Variants in KCNQ5 observed in about 807,000 individuals in gnomAD.
KCNQ5 encodes potassium voltage-gated channel subfamily KQT member 5.
In KCNQ5, 30 loss-of-function variants were observed where a neutral mutation model predicts 98.2. That is an observed-to-expected ratio of 0.31 (90% CI 0.23 to 0.41). The LOEUF (loss-of-function observed/expected upper bound fraction) is 0.41, where lower values mean the gene tolerates loss of function less well. KCNQ5 is among the 10% of genes least tolerant of loss of function. The pLI, the probability that KCNQ5 is intolerant of heterozygous loss-of-function variation, is 1.00. For synonymous variants in KCNQ5, 458 were observed against 449.4 expected, an observed-to-expected ratio of 1.02 and a Z score of -0.24; for missense variants, 835 against 1,182.5, an observed-to-expected ratio of 0.71 and a Z score of 4.31.
At chr6:72,756,359 A>G (rs1373042934) in intron 1 of KCNQ5, among the ~76,000 whole-genome samples, 1 of 152,132 alleles carries the variant, frequency 6.6e-6, no homozygotes, top group Non-Finnish European at 1.5e-5. Flanking sequence ...TACAACATTT[A>G]CCAAAGTGGA....
intron 6 of KCNQ5, among the ~76,000 whole-genome samples, chr6:73,107,654 G>A (rs1427249993): frequency 6.6e-6 from 1 of 152,182 alleles, no homozygotes; most frequent in African/African-American, 2.4e-5. Context: ...TCACAGGGAG[G>A]TTAAATATGT....
chr6:72,764,776 T>G (rs908763667), intron 1 of KCNQ5, among the ~76,000 whole-genome samples: 1 of 151,964 alleles, frequency 6.6e-6, no homozygotes, highest in Admixed American at 6.6e-5. Flanking sequence ...CCACTACCCT[T>G]GCAAGCCTCT....
intron 1 of KCNQ5, among the ~76,000 whole-genome samples, chr6:72,671,131 C>A (rs560105921): frequency 1.3e-5 from 2 of 152,286 alleles, no homozygotes; most frequent in South Asian, 4.1e-4. Flanking sequence ...GTTTAGTATT[C>A]ACTAAGAAGA....
chr6:72,686,584 G>A (rs537797752), intron 1 of KCNQ5, among the ~76,000 whole-genome samples: 1 of 151,966 alleles, frequency 6.6e-6, no homozygotes, highest in East Asian at 1.9e-4. Flanking sequence ...AGTTTGTCTT[G>A]TGTCTTGACT....
intron 1 of KCNQ5, among the ~76,000 whole-genome samples, chr6:72,955,173 T>G (rs1326954730): frequency 6.6e-6 from 1 of 152,206 alleles, no homozygotes; most frequent in Middle Eastern, 3.2e-3. Flanking sequence ...ATCCCTTTAT[T>G]TTAGCAGTTA....
intron 6 of KCNQ5, among the ~76,000 whole-genome samples, chr6:73,108,592 C>T (rs574583970): frequency 5.1e-4 from 78 of 152,154 alleles, no homozygotes; most frequent in African/African-American, 1.7e-3. Context: ...TTTGGGAGGC[C>T]GAGGCGGTCG....
intron 1 of KCNQ5, among the ~76,000 whole-genome samples, chr6:72,790,758 T>C (rs1007610315): frequency 1.3e-5 from 2 of 152,176 alleles, no homozygotes; most frequent in African/African-American, 4.8e-5. Flanking sequence ...TAAATGTTTC[T>C]ATTAGGGAAA....
chr6:72,916,077 A>G (rs1384566931), intron 1 of KCNQ5, among the ~76,000 whole-genome samples: 1 of 152,188 alleles, frequency 6.6e-6, no homozygotes, highest in Admixed American at 6.5e-5. Context: ...AGATATTACT[A>G]TAGAAGTGGT....
intron 1 of KCNQ5, among the ~76,000 whole-genome samples, chr6:72,677,961 G>A (rs1331319930): frequency 2.6e-5 from 4 of 152,160 alleles, no homozygotes; most frequent in Non-Finnish European, 5.9e-5. Context: ...CAGCTATTCT[G>A]CTTATAATCA....
At chr6:72,927,977 C>T (rs931137515) in intron 1 of KCNQ5, among the ~76,000 whole-genome samples, 3 of 151,928 alleles carry the variant, frequency 2.0e-5, no homozygotes, top group Non-Finnish European at 4.4e-5. Flanking sequence ...ACATGTGATC[C>T]TTGAAAAACT....
intron 1 of KCNQ5, among the ~76,000 whole-genome samples, chr6:72,811,975 A>G (rs544681017): frequency 6.6e-5 from 10 of 152,138 alleles, no homozygotes; most frequent in South Asian, 4.1e-4. Flanking sequence ...GAGGTGGGCA[A>G]TTCCCAGGAC....
chr6:72,749,938 C>A (rs759143709), intron 1 of KCNQ5, among the ~76,000 whole-genome samples: 37 of 151,918 alleles, frequency 2.4e-4, no homozygotes, highest in Admixed American at 6.6e-5. Context: ...ACAACAATGT[C>A]AAAAAGAAAA....
intron 1 of KCNQ5, among the ~76,000 whole-genome samples, chr6:72,793,455 T>C (rs984231967): frequency 3.3e-5 from 5 of 152,206 alleles, no homozygotes. Context: ...TCCAACAATT[T>C]AATTATATTT....
chr6:73,045,298 T>A (rs1645175005), intron 3 of KCNQ5, among the ~76,000 whole-genome samples: 1 of 152,252 alleles, frequency 6.6e-6, no homozygotes, highest in Non-Finnish European at 1.5e-5. Flanking sequence ...TAACTTTTTT[T>A]AATTAGGTAC....
At chr6:72,899,958 G>A (rs1779416299) in intron 1 of KCNQ5, among the ~76,000 whole-genome samples, 1 of 151,952 alleles carries the variant, frequency 6.6e-6, no homozygotes, top group Admixed American at 6.6e-5. Context: ...TGATTCTCCT[G>A]CCTCAGTCTC....
At chr6:72,694,581 T>C (rs1029864058) in intron 1 of KCNQ5, among the ~76,000 whole-genome samples, 2 of 152,156 alleles carry the variant, frequency 1.3e-5, no homozygotes, top group Non-Finnish European at 2.9e-5. Flanking sequence ...AATTTCCTCA[T>C]CTATAAGATA....
intron 9 of KCNQ5, among the ~76,000 whole-genome samples, chr6:73,129,179 T>C (rs1776119431): frequency 6.6e-6 from 1 of 152,218 alleles, no homozygotes; most frequent in Non-Finnish European, 1.5e-5. Context: ...CAAAATGGTC[T>C]CTCCTTCTGT....
rs557549233 is a variant in KCNQ5 at position 73,055,202 on chromosome 6, G to A, written c.616+13140G>A. 1.6e-4 allele frequency: 161 copies of A among 1,016,980 alleles called. No individual in the cohort carries two copies. The African/African-American group carries it at 2.4e-3, about 15-fold the overall frequency. 63.0% of individuals were successfully genotyped at this position (1,016,980 alleles called of 1,614,324 possible). A position where few individuals can be genotyped will look rare whatever the true frequency, so the allele number is the denominator to read the frequency against. On this transcript the variant is annotated intron_variant, in intron 3 of 13. Coordinates refer to ENST00000370398, the MANE Select transcript of KCNQ5 (RefSeq NM_019842.4). The stretch of plus-strand genomic sequence containing the variant: ...CGCCATCCTGAGCCCAGCGGGCCAT[G>A]AGGCGGCAAAGCAGGCACGGCGAGA...
intron 11 of KCNQ5, among the ~76,000 whole-genome samples, chr6:73,177,495 G>A (rs1778255612): frequency 6.6e-6 from 1 of 152,138 alleles, no homozygotes; most frequent in African/African-American, 2.4e-5. Flanking sequence ...GTTCTGAAAG[G>A]CATGTATGGG....
Sources: allele counts gnomAD v4.1 joint callset (sites outside exome capture counted in the v4.1 genomes callset), GRCh38; gene constraint gnomAD v4.1.1; transcripts MANE v1.5; gene names NCBI Gene and HGNC (gene_info 2026-07-23, HGNC 2026-07-21).